IPO8: variants seen among roughly 807,000 people sequenced by gnomAD.
IPO8 encodes importin 8, also known as importin-8.
Under a neutral mutation model 141.2 loss-of-function variants are expected in IPO8, and 65 were observed. That is an observed-to-expected ratio of 0.46 (90% CI 0.38 to 0.57). The LOEUF (loss-of-function observed/expected upper bound fraction) is 0.57. Among genes scored for constraint, IPO8 ranks in the 20% least tolerant of loss-of-function variants. The pLI is 0.00. For synonymous variants in IPO8, 411 were observed against 420.3 expected (o/e 0.98, Z 0.27); for missense variants, 980 against 1,246.8 (o/e 0.79, Z 3.22).
intron 18 of IPO8, among the ~76,000 whole-genome samples, 178 bp from the exon 19 acceptor site, chr12:30,652,467 A>G (rs1431720908): frequency 6.6e-6 from 1 of 152,130 alleles, no homozygotes; most frequent in Non-Finnish European, 1.5e-5. Context: ...AATGTGGAGC[A>G]GAAAGACTAA....
intron 6 of IPO8, among the ~76,000 whole-genome samples, chr12:30,676,069 T>C (rs1473132100): frequency 6.6e-6 from 1 of 151,992 alleles, no homozygotes; most frequent in African/African-American, 2.4e-5. Context: ...TGGCACATGC[T>C]ACCACATCTA....
chr12:30,644,973 T>C (rs1315602434), intron 20 of IPO8, among the ~76,000 whole-genome samples: 2 of 151,780 alleles, frequency 1.3e-5, no homozygotes, highest in Admixed American at 6.6e-5. Context: ...ACTTTGAAAA[T>C]GGCAAATCGG....
At chr12:30,644,122 C>T (rs564315795) in intron 20 of IPO8, among the ~76,000 whole-genome samples, 1 of 152,276 alleles carries the variant, frequency 6.6e-6, no homozygotes, top group African/African-American at 2.4e-5. Flanking sequence ...AATCCCAGAA[C>T]TTTGGGAAGC....
intron 21 of IPO8, 112 bp from the exon 22 acceptor site, chr12:30,637,299 G>A (rs1255077873): frequency 7.7e-6 from 6 of 776,224 alleles, no homozygotes; most frequent in African/African-American, 5.2e-5. Flanking sequence ...TTCATCTGTT[G>A]GTATCATACA....
At chr12:30,673,861 C>CAGAACTGTCCTTCCATCCTCTATAA in intron 8 of IPO8, 129 bp downstream of exon 8, 2 of 544,174 alleles carry the variant, frequency 3.7e-6, no homozygotes, top group Non-Finnish European at 3.2e-6. Context: ...AATACATTCC[C>CAGAACTGTCCTTCCATCCTCTATAA]AGAACTGTCC....
At chr12:30,684,237 C>A in intron 3 of IPO8, 64 bp downstream of exon 3, 1 of 1,450,356 alleles carries the variant, frequency 6.9e-7, no homozygotes, top group Non-Finnish European at 9.5e-7. Flanking sequence ...GATCCAACAG[C>A]ACCCACCCTC....
chr12:30,691,812 A>C (rs1466576775), intron 1 of IPO8, among the ~76,000 whole-genome samples: 4 of 152,226 alleles, frequency 2.6e-5, no homozygotes, highest in Admixed American at 2.6e-4. Flanking sequence ...CACAACTGGC[A>C]TTTTAAAAAT....
chr12:30,638,922 C>T (rs1297970762), intron 21 of IPO8, among the ~76,000 whole-genome samples: 4 of 152,064 alleles, frequency 2.6e-5, no homozygotes, highest in Non-Finnish European at 5.9e-5. Context: ...CCACCCGCCT[C>T]GGCCTCCCAA....
chr12:30,661,297 TTAG>T, intron 15 of IPO8, 31 bp from the exon 16 acceptor site: 2 of 1,555,338 alleles, frequency 1.3e-6, no homozygotes, highest in Non-Finnish European at 1.7e-6. Context: ...TATTCCGCAA[TTAG>T]TAGTACTGTT....
rs751173928 is a variant in IPO8, at chr12:30,663,532, T to C, written c.1551A>G (p.Glu517=). The C allele has an allele frequency of 6.2e-7, 1 of 1,613,686 alleles. No homozygotes were observed. The highest frequency in any genetic ancestry group is 8.5e-7 in the Non-Finnish European group (1 of 1,179,882). The change falls in exon 14 of 25, where the codon GAA becomes GAG. Residue 517 remains glutamate, a synonymous_variant. Transcript: ENST00000256079. ...TTAAAGACTGAAGAGCAAGGGCAGCTTCAACTTTGACAGGCATCTCTTTAT... is the reference window on the plus strand; with the variant it reads ...TTAAAGACTGAAGAGCAAGGGCAGCCTCAACTTTGACAGGCATCTCTTTAT... ...IEDKEMPVKV[E]AALALQSLIS...
Position 30,653,010 on chromosome 12 carries a change from T to C in IPO8, c.2031A>G (p.Ile677Met), listed in dbSNP as rs537803115. The C allele has an allele frequency of 2.5e-6, 4 of 1,612,012 alleles. No homozygotes were observed. The highest frequency in any genetic ancestry group is 3.3e-5 in the Admixed American group (2 of 59,890). ...AATCCTGCTGAAACACTTCATATAG[T>C]ATACCTAGAAGCTGCCACATTTGAG... ...ISPQMWQLLGILYEVFQQDCF... is the reference protein window; with the variant it reads ...ISPQMWQLLGMLYEVFQQDCF... The change falls in exon 18 of 25, where the codon ATA becomes ATG. Residue 677 changes from isoleucine to methionine, a missense_variant. Transcript: ENST00000256079.
chr12:30,675,806 T>C (rs2053112760), intron 6 of IPO8, among the ~76,000 whole-genome samples: 1 of 146,044 alleles, frequency 6.8e-6, no homozygotes, highest in Non-Finnish European at 1.5e-5. Context: ...ATCATGCCAC[T>C]GCACTCCAGC....
intron 1 of IPO8, among the ~76,000 whole-genome samples, chr12:30,691,075 A>G (rs761570824): frequency 7.2e-5 from 11 of 152,194 alleles, no homozygotes; most frequent in Admixed American, 1.3e-4. Context: ...GCTATTTATG[A>G]ATTTAAAATC....
chr12:30,652,177 T>A lies in IPO8; in HGVS notation c.2172+15A>T, dbSNP rs369784383. 6.5e-5 allele frequency: 92 copies of A among 1,417,258 alleles called. 1 individual carries two copies. The East Asian group carries it at 1.1e-3, about 18-fold the overall frequency. The allele number at this position is 1,417,258 out of a possible 1,614,324, so 87.8% of individuals were successfully genotyped here. ...AGTTAAGAACCACTGAAACAATAGA[T>A]TAGGTCATGCTTACCTTCCTACACA... On this transcript the variant is annotated intron_variant, in intron 19 of 24. Transcript: ENST00000256079.
chr12:30,663,690 G>A (rs1235117952), intron 13 of IPO8, 36 bp from the exon 14 acceptor site: 1 of 1,460,656 alleles, frequency 6.8e-7, no homozygotes, highest in Admixed American at 2.0e-5. Context: ...GGAGCTATTA[G>A]GATTATAGCA....
chr12:30,664,458 A>G (rs151284164), intron 13 of IPO8, among the ~76,000 whole-genome samples: 1 of 152,208 alleles, frequency 6.6e-6, no homozygotes, highest in Non-Finnish European at 1.5e-5. Flanking sequence ...ATTTCTCCAT[A>G]AAATATATTG....
chr12:30,694,113 G>A (rs1276304014), intron 1 of IPO8, among the ~76,000 whole-genome samples: 3 of 152,074 alleles, frequency 2.0e-5, no homozygotes, highest in South Asian at 2.1e-4. Context: ...TGAGAAGGGG[G>A]TCATAAACAG....
chr12:30,662,906 C>T (rs931962460), intron 14 of IPO8, among the ~76,000 whole-genome samples: 1 of 152,154 alleles, frequency 6.6e-6, no homozygotes, highest in South Asian at 2.1e-4. Context: ...CTACCACCCT[C>T]CCTTGCCATG....
chr12:30,681,880 T>C (rs2053192821), intron 3 of IPO8, 63 bp from the exon 4 acceptor site: 1 of 1,341,406 alleles, frequency 7.5e-7, no homozygotes, highest in South Asian at 1.4e-5. Flanking sequence ...TTCAAAGACC[T>C]CTAATATTTT....
Sources: gnomAD v4.1 joint callset for allele counts (sites outside exome capture counted in the v4.1 genomes callset) on GRCh38, gnomAD v4.1.1 for gene constraint, MANE v1.5 for transcripts, NCBI Gene and HGNC (gene_info 2026-07-23, HGNC 2026-07-21) for gene names.